Variants in TMED9 observed in about 807,000 individuals in gnomAD.
The protein encoded by TMED9 is transmembrane emp24 domain-containing protein 9.
In TMED9, 22 loss-of-function variants were observed where a neutral mutation model predicts 30.6. The ratio of observed to expected loss-of-function variants is 0.72; its 90% CI spans 0.51 to 1.03. The LOEUF is 1.03. Among genes scored for constraint, TMED9 ranks in the 50% least tolerant of loss-of-function variants. The pLI, the probability that TMED9 is intolerant of heterozygous loss-of-function variation, is 0.00. For missense variants in TMED9, 251 were observed against 302.1 expected (o/e 0.83, Z 1.25); for synonymous variants, 146 against 122.8 (o/e 1.19, Z -1.25).
In TMED9 at chr5:177,595,435, C is replaced by A. The variant is rs771557662; in HGVS notation, c.*19C>A. On this transcript the variant is annotated 3_prime_UTR_variant, in exon 5 of 5. Coordinates refer to ENST00000332598, the MANE Select transcript of TMED9 (RefSeq NM_017510.6). ...TGTGTAGCTGTCCCAGGCGTCACAA[C>A]CCATCCTCCCAGGCTGGGGGAGAAA... 4.4e-6 allele frequency: 7 copies of A among 1,592,070 alleles called. No individual in the cohort carries two copies. The Admixed American group carries it at 6.8e-5, about 15-fold the overall frequency.
In TMED9 at chr5:177,596,833, G is replaced by C. The variant is rs1767699030; in HGVS notation, c.*1417G>C. Among the ~76,000 whole-genome samples the C allele has an allele frequency of 2.0e-5, 3 of 152,134 alleles. No homozygotes were observed. Among genetic ancestry groups the C allele is most frequent in the African/African-American group, 7.2e-5 (3 of 41,418 alleles). On this transcript the variant is annotated 3_prime_UTR_variant, in exon 5 of 5. Transcript: ENST00000332598. ...GCCTGCCCCCCTCCCTCTGGCCTCT[G>C]GGCCCTTTGCAGTAATCACCCAGGG...
Position 177,594,196 on chromosome 5 carries a change from G to A in TMED9, c.469G>A (p.Ala157Thr), listed in dbSNP as rs1767643384. 6.2e-7 allele frequency: 1 copy of A among 1,614,138 alleles called. No individual in the cohort carries two copies. Among genetic ancestry groups the A allele is most frequent in the Non-Finnish European group, 8.5e-7 (1 of 1,180,050 alleles). ...TGCCAATGACTATGCAGAAATTGCT[G>A]CTAAAGACAAGTTGAGTGAGTTGCA... Reference protein sequence around the residue: ...EHANDYAEIAAKDKLSELQLR... With the variant: ...EHANDYAEIATKDKLSELQLR... The change falls in exon 4 of 5, where the codon GCT becomes ACT. Residue 157 changes from alanine (A) to threonine (T), a missense_variant. Ala to Thr is a moderately conservative substitution (Grantham distance 58). Transcript: ENST00000332598.
intron 4 of TMED9, 77 bp from the exon 5 acceptor site, chr5:177,595,190 T>A: frequency 6.9e-7 from 1 of 1,447,228 alleles, no homozygotes; most frequent in Non-Finnish European, 9.2e-7. Context: ...TGGCTGACCT[T>A]GGGCATCCTC....
Position 177,592,281 on chromosome 5 carries a change from C to T in TMED9, c.67C>T (p.Arg23Trp), listed in dbSNP as rs772003181. 17 of 1,611,408 alleles carry T rather than the reference C, an allele frequency of 1.1e-5. No individual in the cohort carries two copies. The highest frequency in any genetic ancestry group is 2.7e-5 in the African/African-American group (2 of 74,898). Reference protein sequence around the residue: ...RPGTGLGRVMRTLLLVLWLAT... With the variant: ...RPGTGLGRVMWTLLLVLWLAT... ...CGGAACCGGGCTGGGTAGAGTGATG[C>T]GGACCCTCCTGCTGGTGCTGTGGCT... is the stretch of plus-strand genomic sequence containing the variant. The change falls in exon 1 of 5, where the codon CGG becomes TGG. Residue 23 changes from arginine (R) to tryptophan (W), a missense_variant. By Grantham distance (101) the Arg-to-Trp change is moderately radical. This residue lies in a region of TMED9 where 98 missense variants were observed against 62.5 expected (regional missense o/e 1.57). Coordinates refer to ENST00000332598, the MANE Select transcript of TMED9 (RefSeq NM_017510.6).
chr5:177,592,504 G>T (rs903687589), intron 1 of TMED9, 71 bp from the exon 2 acceptor site: 53 of 1,561,324 alleles, frequency 3.4e-5, no homozygotes, highest in Middle Eastern at 3.4e-4. Context: ...CGGCCTCGCC[G>T]TGCCCAGGCG....
chr5:177,593,949 A>C, intron 3 of TMED9, 174 bp downstream of exon 3: 2 of 1,188,576 alleles, frequency 1.7e-6, no homozygotes, highest in South Asian at 2.9e-5. Context: ...TACATGCCTC[A>C]CTCAGAGCAC....
chr5:177,592,569 C>T lies in TMED9; in HGVS notation c.185-6C>T, dbSNP rs1206108192. 9 of 1,611,888 alleles carry T rather than the reference C, an allele frequency of 5.6e-6. No individual in the cohort carries two copies. The highest frequency in any genetic ancestry group is 5.0e-5 in the Admixed American group (3 of 59,748). ...TCTGACCTGGGCTCGCCCTGCTTCC[C>T]TCAAGGAAACTACCGGACGCAGCTG... On this transcript the variant is annotated splice_polypyrimidine_tract_variant and splice_region_variant and intron_variant, in intron 1 of 4. Transcript: ENST00000332598.
chr5:177,593,512 C>T, intron 2 of TMED9, 138 bp from the exon 3 acceptor site: 4 of 1,079,482 alleles, frequency 3.7e-6, no homozygotes, highest in Non-Finnish European at 5.4e-6. Flanking sequence ...AGCTGCTGAG[C>T]AGCTTTGAAT....
chr5:177,594,180 CTA>C lies in TMED9; in HGVS notation c.455_456del (p.Tyr152CysfsTer6), dbSNP rs1285203311. The C allele has an allele frequency of 1.2e-6, 2 of 1,614,204 alleles. No homozygotes were observed. The highest frequency in any genetic ancestry group is 2.2e-5 in the East Asian group (1 of 44,886). ...DIQVGEHANDYAEIAAKDKLS... is the reference protein window; with the variant it reads ...DIQVGEHANDXAEIAAKDKLS... Reference sequence around the variant, plus strand: ...TCCAGGTAGGTGAACATGCCAATGACTATGCAGAAATTGCTGCTAAAGACAAG... The same window carrying C: ...TCCAGGTAGGTGAACATGCCAATGACTGCAGAAATTGCTGCTAAAGACAAG... On this transcript the variant is annotated frameshift_variant, in exon 4 of 5. Transcript: ENST00000332598. LOFTEE classifies it high-confidence loss of function.
At chr5:177,593,898 G>A in intron 3 of TMED9, 123 bp downstream of exon 3, 2 of 1,395,042 alleles carry the variant, frequency 1.4e-6, no homozygotes, top group South Asian at 2.6e-5. Flanking sequence ...AGAACACTGG[G>A]TTTCCACTGG....
At chr5:177,592,545 C>T in intron 1 of TMED9, 30 bp from the exon 2 acceptor site, 1 of 1,599,450 alleles carries the variant, frequency 6.3e-7, no homozygotes, top group South Asian at 1.1e-5. Context: ...TCGCGCTCCT[C>T]TGACCTGGGC....
chr5:177,594,086 G>A (rs1767640720), intron 3 of TMED9, 53 bp from the exon 4 acceptor site: 10 of 1,606,344 alleles, frequency 6.2e-6, no homozygotes, highest in Non-Finnish European at 7.7e-6. Context: ...GTCTCTGGCA[G>A]GAAGATGGAG....
At chr5:177,595,240 T>C in intron 4 of TMED9, 27 bp from the exon 5 acceptor site, 2 of 1,518,594 alleles carry the variant, frequency 1.3e-6, no homozygotes, top group Non-Finnish European at 1.8e-6. Flanking sequence ...CCCAGCCAAC[T>C]CAGGCTCACC....
Position 177,593,653 on chromosome 5 carries a change from A to G in TMED9, c.289A>G (p.Ile97Val). 3 of 1,614,162 alleles carry G rather than the reference A, an allele frequency of 1.9e-6. No homozygotes were observed. Among genetic ancestry groups the G allele is most frequent in the Non-Finnish European group, 2.5e-6 (3 of 1,180,012 alleles). The change falls in exon 3 of 5, where the codon ATC (isoleucine) becomes GTC (valine). Residue 97 changes from isoleucine (I) to valine (V), a missense_variant. Coordinates refer to ENST00000332598, the MANE Select transcript of TMED9 (RefSeq NM_017510.6). ...GAAGCTTGTTACCTTCCTCCAGGTCATCCTGGCCCGGCAGTATGGCTCCGA... is the reference window on the plus strand; with the variant it reads ...GAAGCTTGTTACCTTCCTCCAGGTCGTCCTGGCCCGGCAGTATGGCTCCGA... ...VEVKDPEDKVILARQYGSEGR... is the reference protein window; with the variant it reads ...VEVKDPEDKVVLARQYGSEGR...
intron 4 of TMED9, among the ~76,000 whole-genome samples, 155 bp downstream of exon 4, chr5:177,594,440 A>G (rs1029256539): frequency 1.3e-5 from 2 of 152,220 alleles, no homozygotes; most frequent in African/African-American, 4.8e-5. Flanking sequence ...CGACCTTGTA[A>G]TTGAGGATAC....
At chr5:177,594,759 TG>T (rs1161006929) in intron 4 of TMED9, among the ~76,000 whole-genome samples, 1 of 152,264 alleles carries the variant, frequency 6.6e-6, no homozygotes, top group African/African-American at 2.4e-5. Context: ...AGGATTTTTA[TG>T]CGAACATTTT....
Position 177,595,556 on chromosome 5 carries a change from G to A in TMED9, c.*140G>A, listed in dbSNP as rs564744757. ...GGGCTGGAGGCACCCACAGGCACAA[G>A]CTGAAGGCAGCAGCTTGGCTAATAC... On this transcript the variant is annotated 3_prime_UTR_variant, in exon 5 of 5. Coordinates refer to ENST00000332598, the MANE Select transcript of TMED9 (RefSeq NM_017510.6). 1.5e-5 allele frequency: 15 copies of A among 1,023,244 alleles called. No homozygotes were observed. The African/African-American group carries it at 2.4e-4, about 17-fold the overall frequency. 63.4% of individuals were successfully genotyped at this position (1,023,244 alleles called of 1,614,324 possible).
Position 177,593,776 on chromosome 5 carries a change from G to C in TMED9, c.411+1G>C, listed in dbSNP as rs1190911610. ...CTCCCTCTTTGCTGGAGGCATGCTG[G>C]TAAGTGGGCCCATGTGAGACTTGCA... On this transcript the variant is annotated splice_donor_variant, in intron 3 of 4. Transcript: ENST00000332598. LOFTEE classifies it high-confidence loss of function. 1.2e-6 allele frequency: 2 copies of C among 1,614,130 alleles called. No homozygotes were observed. The highest frequency in any genetic ancestry group is 1.7e-5 in the Admixed American group (1 of 60,024).
In TMED9 at chr5:177,596,260, T is replaced by C. The variant is rs1197664905; in HGVS notation, c.*844T>C. The C allele has an allele frequency of 6.6e-6, 1 of 152,238 alleles. No individual in the cohort carries two copies. The highest frequency in any genetic ancestry group is 1.9e-4 in the East Asian group (1 of 5,200). The allele number at this position is 152,238 out of a possible 1,614,324, so 9.4% of individuals were successfully genotyped here. On this transcript the variant is annotated 3_prime_UTR_variant, in exon 5 of 5. Coordinates refer to ENST00000332598, the MANE Select transcript of TMED9 (RefSeq NM_017510.6). ...TCATTCTTTCCTTCTTCTCCAGGCC[T>C]TCCTGTGGCAGGGAATAGTGGGTTT...
Sources: allele counts gnomAD v4.1 joint callset (sites outside exome capture counted in the v4.1 genomes callset), GRCh38; gene constraint gnomAD v4.1.1; regional missense constraint gnomAD v4.1.1; transcripts MANE v1.5; gene names NCBI Gene and HGNC (gene_info 2026-07-23, HGNC 2026-07-21).